The following KAZN variants were observed in gnomAD, a reference collection of about 807,000 sequenced individuals.
The protein encoded by KAZN is kazrin, periplakin interacting protein.
Under a neutral mutation model 87.4 loss-of-function variants are expected in KAZN, and 40 were observed. The observed-to-expected ratio is 0.46, with a 90% CI of 0.36 to 0.60. The LOEUF (loss-of-function observed/expected upper bound fraction) is 0.60. Ranked by LOEUF, KAZN falls within the 20% of genes least tolerant of loss-of-function variation. The pLI is 0.00. For synonymous variants in KAZN, 466 were observed against 458.3 expected, an observed-to-expected ratio of 1.02 and a Z score of -0.22; for missense variants, 898 against 1,073.9, an observed-to-expected ratio of 0.84 and a Z score of 2.29.
Position 15,101,409 on chromosome 1 carries a change from T to TCTCTGTGG in KAZN, c.1548-129_1548-122dup, listed in dbSNP as rs373106093. 12 of 645,496 alleles carry TCTCTGTGG rather than the reference T, an allele frequency of 1.9e-5. No individual in the cohort carries two copies. In the African/African-American group the frequency reaches 2.2e-4, roughly 12 times the overall value. The allele number at this position is 645,496 out of a possible 1,614,324, so 40.0% of individuals were successfully genotyped here. On this transcript the variant is annotated intron_variant, in intron 10 of 14. Transcript: ENST00000376030. Reference sequence around the variant, plus strand: ...TCGGCTCCATCCCTGTCCATGTCTGTCTCTGTGGCTCTCTTGGTCCTCCCC... The same window carrying TCTCTGTGG: ...TCGGCTCCATCCCTGTCCATGTCTGTCTCTGTGGCTCTGTGGCTCTCTTGGTCCTCCCC...
At chr1:14,476,423 C>T (rs1389021263) in intron 2 of KAZN, among the ~76,000 whole-genome samples, 1 of 152,296 alleles carries the variant, frequency 6.6e-6, no homozygotes. Flanking sequence ...TGGCATGTCA[C>T]AGAACAGAAG....
intron 1 of KAZN, among the ~76,000 whole-genome samples, chr1:14,752,443 G>A (rs1476700817): frequency 1.3e-5 from 2 of 152,158 alleles, no homozygotes; most frequent in Admixed American, 1.3e-4. Flanking sequence ...ACCTGAGACT[G>A]GGCAATTTAG....
chr1:14,832,091 G>C (rs977269332), intron 1 of KAZN, among the ~76,000 whole-genome samples: 5 of 152,020 alleles, frequency 3.3e-5, no homozygotes, highest in African/African-American at 1.2e-4. Context: ...AGCTACTTGA[G>C]AGGCTGAGGC....
At chr1:14,775,139 C>A (rs1645139550) in intron 1 of KAZN, among the ~76,000 whole-genome samples, 1 of 152,220 alleles carries the variant, frequency 6.6e-6, no homozygotes. Context: ...TGACCCTCAG[C>A]AGCCTGGGAC....
chr1:14,889,288 A>G (rs1654450536), intron 1 of KAZN, among the ~76,000 whole-genome samples: 1 of 152,218 alleles, frequency 6.6e-6, no homozygotes, highest in Non-Finnish European at 1.5e-5. Flanking sequence ...ATCTACCACA[A>G]TGGGCTTGGA....
At chr1:14,295,609 G>A (rs1012131874) in intron 2 of KAZN, among the ~76,000 whole-genome samples, 9 of 151,892 alleles carry the variant, frequency 5.9e-5, no homozygotes, top group African/African-American at 2.2e-4. Context: ...GTGCACCAAA[G>A]AGCCACACAG....
chr1:14,021,801 C>G (rs1236645337), intron 1 of KAZN, among the ~76,000 whole-genome samples: 1 of 152,142 alleles, frequency 6.6e-6, no homozygotes, highest in Admixed American at 6.5e-5. Context: ...GAGATAGACT[C>G]TTTATGTTCC....
intron 1 of KAZN, among the ~76,000 whole-genome samples, chr1:14,809,032 C>T (rs6671110): frequency 0.25 from 37,332 of 152,112 alleles, 5,616 homozygotes; most frequent in African/African-American, 0.43. Flanking sequence ...CTCTCTGCTT[C>T]ATCACAGAGG....
Position 14,373,559 on chromosome 1 carries a change from T to A in KAZN, c.249+192967T>A, listed in dbSNP as rs115271339. 2.6e-3 allele frequency among the ~76,000 whole-genome samples: 403 copies of A among 152,324 alleles called. 4 individuals carry two copies. Among genetic ancestry groups the A allele is most frequent in the African/African-American group, 9.3e-3 (385 of 41,572 alleles). On this transcript the variant is annotated intron_variant, in intron 2 of 16. Transcript: ENST00000636203. ...TTAACTTGATTCAAATGCTAATCTC[T>A]TCCAGAAACGCCCTCACAGCCCAAC... is the stretch of plus-strand genomic sequence containing the variant.
intron 1 of KAZN, among the ~76,000 whole-genome samples, chr1:14,685,368 T>G (rs1640893463): frequency 6.6e-6 from 1 of 152,188 alleles, no homozygotes; most frequent in Admixed American, 6.5e-5. Flanking sequence ...GCCACTGGTC[T>G]GATGTACAGG....
intron 2 of KAZN, among the ~76,000 whole-genome samples, chr1:14,284,721 A>G (rs2100727391): frequency 6.6e-6 from 1 of 152,348 alleles, no homozygotes; most frequent in African/African-American, 2.4e-5. Flanking sequence ...ACCATAGAGC[A>G]GCCCAGGTGA....
intron 1 of KAZN, among the ~76,000 whole-genome samples, chr1:14,169,748 C>T (rs771169737): frequency 1.3e-5 from 2 of 152,184 alleles, no homozygotes; most frequent in Non-Finnish European, 2.9e-5. Flanking sequence ...AACTCTGGGC[C>T]AGGCACTGTT....
At chr1:14,576,295 T>A (rs1182464611) in intron 2 of KAZN, among the ~76,000 whole-genome samples, 1 of 106,848 alleles carries the variant, frequency 9.4e-6, no homozygotes, top group Non-Finnish European at 2.1e-5. Context: ...GATGGAAGGA[T>A]GGATGGATGG....
chr1:14,016,263 C>T (rs1640567095), intron 1 of KAZN, among the ~76,000 whole-genome samples: 2 of 152,220 alleles, frequency 1.3e-5, no homozygotes, highest in Non-Finnish European at 2.9e-5. Context: ...ACTTTGCACA[C>T]ATTCCGTGTT....
Position 15,015,653 on chromosome 1 carries a change from G to A in KAZN, c.419-19096G>A, listed in dbSNP as rs758971716. On this transcript the variant is annotated intron_variant, in intron 2 of 14. Coordinates refer to ENST00000376030, the MANE Select transcript of KAZN (RefSeq NM_201628.3). ...TTCTAAGGACAAACCGTCAGCATGG[G>A]CAGGTCTAGGACCTGAGTCAGGCTG... Among the ~76,000 whole-genome samples, 75 of 152,232 alleles carry A rather than the reference G, an allele frequency of 4.9e-4. 1 individual carries two copies. The highest frequency in any genetic ancestry group is 9.7e-4 in the Non-Finnish European group (66 of 68,012).
chr1:15,114,543 C>A lies in KAZN; in HGVS notation c.2236C>A (p.Gln746Lys). The A allele has an allele frequency of 6.2e-7, 1 of 1,610,966 alleles. No homozygotes were observed. ...PDFHDDYGSLQNEDCGDDDPQ... is the reference protein window; with the variant it reads ...PDFHDDYGSLKNEDCGDDDPQ... Reference sequence around the variant, plus strand: ...TTTCCATGATGACTATGGCTCTCTTCAAAACGAAGATTGCGGAGACGATGA... The same window carrying A: ...TTTCCATGATGACTATGGCTCTCTTAAAAACGAAGATTGCGGAGACGATGA... Residue 746 changes from glutamine (Q) to lysine (K), a missense_variant, in exon 15 of 15, where the codon CAA (glutamine) becomes AAA (lysine). Physicochemically the swap from Gln to Lys is moderately conservative, Grantham distance 53. Coordinates refer to ENST00000376030, the MANE Select transcript of KAZN (RefSeq NM_201628.3).
chr1:14,397,329 T>C (rs1662982951), intron 2 of KAZN, among the ~76,000 whole-genome samples: 1 of 152,162 alleles, frequency 6.6e-6, no homozygotes, highest in South Asian at 2.1e-4. Flanking sequence ...GAAGTTCCTC[T>C]TCCTGGCTTG....
chr1:15,079,337 T>A (rs2100622868), intron 8 of KAZN, among the ~76,000 whole-genome samples: 1 of 152,156 alleles, frequency 6.6e-6, no homozygotes, highest in South Asian at 2.1e-4. Flanking sequence ...TTGGTGAAAA[T>A]CTAGCTAGGG....
At chr1:14,264,922 A>G (rs1278935179) in intron 2 of KAZN, among the ~76,000 whole-genome samples, 4 of 152,204 alleles carry the variant, frequency 2.6e-5, no homozygotes, top group Admixed American at 6.5e-5. Context: ...TACATCTGCA[A>G]AGTCTCTTAT....
Sources: allele counts gnomAD v4.1 joint callset (sites outside exome capture counted in the v4.1 genomes callset), GRCh38; gene constraint gnomAD v4.1.1; transcripts MANE v1.5; gene names NCBI Gene and HGNC (gene_info 2026-07-23, HGNC 2026-07-21).